Variants in LRCH1 observed in about 807,000 individuals in gnomAD.
LRCH1 encodes the protein leucine-rich repeat and calponin homology domain-containing protein 1.
A neutral mutation model predicts 94.9 loss-of-function variants in LRCH1; 23 were observed. The observed-to-expected ratio is 0.24, with a 90% CI of 0.17 to 0.34. The LOEUF (loss-of-function observed/expected upper bound fraction) is 0.34. Among genes scored for constraint, LRCH1 ranks in the 10% least tolerant of loss-of-function variants. The pLI, the probability that LRCH1 is intolerant of heterozygous loss-of-function variation, is 1.00. For missense variants in LRCH1, 790 were observed against 945.9 expected, an observed-to-expected ratio of 0.84 and a Z score of 2.16; for synonymous variants, 364 against 354.9, an observed-to-expected ratio of 1.03 and a Z score of -0.29.
intron 1 of LRCH1, among the ~76,000 whole-genome samples, chr13:46,624,205 C>T (rs1410407484): frequency 6.6e-6 from 1 of 152,082 alleles, no homozygotes. Context: ...CTTGCAATAC[C>T]TTTTCTGCAA....
intron 11 of LRCH1, among the ~76,000 whole-genome samples, chr13:46,702,425 C>G (rs926723316): frequency 6.6e-6 from 1 of 152,178 alleles, no homozygotes; most frequent in African/African-American, 2.4e-5. Flanking sequence ...TCGCTTGAGC[C>G]CAGGAGACAG....
At chr13:46,609,018 T>G (rs2050718395) in intron 1 of LRCH1, among the ~76,000 whole-genome samples, 1 of 152,174 alleles carries the variant, frequency 6.6e-6, no homozygotes, top group South Asian at 2.1e-4. Flanking sequence ...ATGGCACCCT[T>G]GAGTGAACCA....
chr13:46,632,713 G>A (rs570343181), intron 1 of LRCH1, among the ~76,000 whole-genome samples: 5 of 152,084 alleles, frequency 3.3e-5, no homozygotes, highest in Non-Finnish European at 7.4e-5. Context: ...AAAAATATGA[G>A]CAACAATTAT....
chr13:46,617,676 G>C (rs570677433), intron 1 of LRCH1, among the ~76,000 whole-genome samples: 1 of 152,168 alleles, frequency 6.6e-6, no homozygotes, highest in African/African-American at 2.4e-5. Flanking sequence ...GAAAGATACA[G>C]ATCCAATCTC....
intron 1 of LRCH1, among the ~76,000 whole-genome samples, chr13:46,609,861 G>T (rs912371297): frequency 2.0e-5 from 3 of 152,218 alleles, no homozygotes; most frequent in Admixed American, 6.5e-5. Context: ...GGGCTCAGGG[G>T]CTGCCAGACA....
chr13:46,606,339 G>A (rs1003690120), intron 1 of LRCH1, among the ~76,000 whole-genome samples: 2 of 152,088 alleles, frequency 1.3e-5, no homozygotes, highest in African/African-American at 2.4e-5. Context: ...TGAGTCTATA[G>A]GACTTGCCCT....
chr13:46,641,177 T>C (rs988581114), intron 1 of LRCH1, among the ~76,000 whole-genome samples: 5 of 152,100 alleles, frequency 3.3e-5, no homozygotes, highest in Non-Finnish European at 5.9e-5. Context: ...ACCGAGGACA[T>C]TGCGGAGCTG....
chr13:46,709,352 C>G (rs980714979), intron 13 of LRCH1, among the ~76,000 whole-genome samples: 3 of 152,190 alleles, frequency 2.0e-5, no homozygotes, highest in Admixed American at 6.5e-5. Flanking sequence ...TTCCATCAGC[C>G]AAGGCCATTA....
rs75726291 is a variant in LRCH1, at chr13:46,629,122, A to G, written c.308-21079A>G. Among the ~76,000 whole-genome samples, 176 of 152,340 alleles carry G rather than the reference A, an allele frequency of 1.2e-3. 1 individual carries two copies. Among genetic ancestry groups the G allele is most frequent in the African/African-American group, 4.0e-3 (168 of 41,580 alleles). On this transcript the variant is annotated intron_variant, in intron 1 of 19. Transcript: ENST00000389797. Reference sequence around the variant, plus strand: ...TAATGCCATCTTCCTAGCAAGCTATAGAAAACATTTGAAAACCCCAAGGGC... The same window carrying G: ...TAATGCCATCTTCCTAGCAAGCTATGGAAAACATTTGAAAACCCCAAGGGC...
At chr13:46,713,798 G>T (rs924206555) in intron 15 of LRCH1, among the ~76,000 whole-genome samples, 2 of 152,160 alleles carry the variant, frequency 1.3e-5, no homozygotes, top group African/African-American at 2.4e-5. Flanking sequence ...ATGGAGGTGA[G>T]TCCAGGCACA....
downstream of LRCH1, among the ~76,000 whole-genome samples, chr13:46,748,138 T>C (rs971796752): frequency 4.6e-5 from 7 of 152,222 alleles, no homozygotes; most frequent in Non-Finnish European, 1.0e-4. Context: ...GCTTTAAATA[T>C]TTAGGTAATC....
chr13:46,745,427 A>G (rs1873871635), downstream of LRCH1, among the ~76,000 whole-genome samples: 1 of 152,026 alleles, frequency 6.6e-6, no homozygotes, highest in African/African-American at 2.4e-5. Flanking sequence ...CCGTGAACGC[A>G]TCCTGGGATG....
At chr13:46,659,911 G>A (rs574475995) in intron 2 of LRCH1, among the ~76,000 whole-genome samples, 88 of 152,100 alleles carry the variant, frequency 5.8e-4, no homozygotes, top group Non-Finnish European at 1.1e-3. Flanking sequence ...ATTTGACCAC[G>A]GTGCCAAAAA....
chr13:46,605,423 G>C (rs1594279963), intron 1 of LRCH1, among the ~76,000 whole-genome samples: 2 of 152,220 alleles, frequency 1.3e-5, no homozygotes, highest in South Asian at 4.2e-4. Flanking sequence ...CTTGTGGCCT[G>C]CCAGAGCAGA....
At chr13:46,750,843 C>T in exon 19 of LRCH1, 2 of 455,432 alleles carry the variant, frequency 4.4e-6, no homozygotes, top group Admixed American at 3.9e-5. Flanking sequence ...TAAGACTTGA[C>T]AGGTATTTAT....
At position 46,628,673 on chromosome 13, in the gene LRCH1, A is replaced by C. The variant is rs528422748; in HGVS notation, c.308-21528A>C. The stretch of plus-strand genomic sequence containing the variant: ...CTCTGTCTCAGGGAAGAAAAAAAAA[A>C]AAAAAACACAAGGCCCGGCAGGCTG... On this transcript the variant is annotated intron_variant, in intron 1 of 19. Transcript: ENST00000389797. Among the ~76,000 whole-genome samples, 10 of 151,652 alleles carry C rather than the reference A, an allele frequency of 6.6e-5. No individual in the cohort carries two copies. The East Asian group carries it at 7.8e-4, about 12-fold the overall frequency.
intron 2 of LRCH1, among the ~76,000 whole-genome samples, chr13:46,652,039 C>T (rs1405047826): frequency 1.5e-5 from 2 of 129,404 alleles, no homozygotes; most frequent in African/African-American, 2.8e-5. Context: ...AGGCGCCGGC[C>T]ACCAGGCCTG....
At chr13:46,586,118 T>C (rs1294822484) in intron 1 of LRCH1, among the ~76,000 whole-genome samples, 1 of 152,176 alleles carries the variant, frequency 6.6e-6, no homozygotes, top group Non-Finnish European at 1.5e-5. Context: ...AACATGGCAA[T>C]GGAACATGTT....
At chr13:46,669,923 A>G (rs2051575144) in intron 3 of LRCH1, among the ~76,000 whole-genome samples, 1 of 152,212 alleles carries the variant, frequency 6.6e-6, no homozygotes, top group South Asian at 2.1e-4. Context: ...ATGTGATTAA[A>G]TGATGAAAAG....
Sources: allele counts gnomAD v4.1 joint callset (sites outside exome capture counted in the v4.1 genomes callset), GRCh38; gene constraint gnomAD v4.1.1; transcripts MANE v1.5; gene names NCBI Gene and HGNC (gene_info 2026-07-23, HGNC 2026-07-21).